The following PKIA variants were observed in gnomAD, a reference collection of about 807,000 sequenced individuals.
The protein encoded by PKIA is cAMP-dependent protein kinase inhibitor alpha, also known as PKI-alpha.
In PKIA, 4 loss-of-function variants were observed where a neutral mutation model predicts 7.6. The ratio of observed to expected loss-of-function variants is 0.52; its 90% CI spans 0.26 to 1.20. PKIA has a LOEUF of 1.20. PKIA is among the 50% of genes most tolerant of loss of function. PKIA has a pLI of 0.13. For missense variants in PKIA, 73 were observed against 86.2 expected (o/e 0.85, Z 0.61); for synonymous variants, 21 against 30.7 (o/e 0.68, Z 1.04).
At chr8:78,594,892 G>A (rs2130266829) in intron 2 of PKIA, among the ~76,000 whole-genome samples, 1 of 152,322 alleles carries the variant, frequency 6.6e-6, no homozygotes, top group African/African-American at 2.4e-5. Flanking sequence ...CTCAGAGGAA[G>A]ATGCAGAGTC....
chr8:78,536,909 C>T (rs971927472), intron 1 of PKIA, among the ~76,000 whole-genome samples: 3 of 138,836 alleles, frequency 2.2e-5, no homozygotes, highest in Admixed American at 2.1e-4. Context: ...CACACACACA[C>T]TACATTTTAA....
intron 1 of PKIA, among the ~76,000 whole-genome samples, chr8:78,565,611 G>A (rs768616505): frequency 2.0e-5 from 3 of 151,848 alleles, no homozygotes; most frequent in Non-Finnish European, 2.9e-5. Context: ...CAGTGCTCTT[G>A]CTATTTCTCA....
intron 1 of PKIA, among the ~76,000 whole-genome samples, chr8:78,553,729 A>T (rs1233941276): frequency 9.2e-6 from 1 of 108,666 alleles, no homozygotes; most frequent in African/African-American, 3.3e-5. Flanking sequence ...CTATTTTAAA[A>T]CAACTGGATT....
At chr8:78,544,650 A>G (rs78959523) in intron 1 of PKIA, among the ~76,000 whole-genome samples, 1,703 of 152,304 alleles carry the variant, frequency 0.011, 35 homozygotes, top group African/African-American at 0.038. Flanking sequence ...CTTTTCATCT[A>G]TTAATCCAGG....
intron 1 of PKIA, among the ~76,000 whole-genome samples, chr8:78,523,341 G>A (rs752498930): frequency 3.3e-5 from 5 of 151,758 alleles, no homozygotes; most frequent in Admixed American, 1.3e-4. Flanking sequence ...TATCTTTATG[G>A]TTGTTTGATT....
chr8:78,571,455 G>A (rs144915647), intron 1 of PKIA, among the ~76,000 whole-genome samples: 6 of 152,144 alleles, frequency 3.9e-5, no homozygotes, highest in South Asian at 4.1e-4. Flanking sequence ...TTTAGGGCAC[G>A]CCAGAAGTGT....
At chr8:78,530,074 G>C (rs1806356332) in intron 1 of PKIA, among the ~76,000 whole-genome samples, 1 of 151,746 alleles carries the variant, frequency 6.6e-6, no homozygotes, top group Admixed American at 6.6e-5. Flanking sequence ...AAGAAGGTAA[G>C]TTTTCCCTCA....
At chr8:78,531,415 T>C (rs1806383210) in intron 1 of PKIA, among the ~76,000 whole-genome samples, 1 of 152,120 alleles carries the variant, frequency 6.6e-6, no homozygotes, top group Non-Finnish European at 1.5e-5. Context: ...TTCACATCAG[T>C]GATCATTCGC....
At chr8:78,570,033 C>G (rs1307635142) in intron 1 of PKIA, among the ~76,000 whole-genome samples, 1 of 152,026 alleles carries the variant, frequency 6.6e-6, no homozygotes, top group African/African-American at 2.4e-5. Context: ...ACTCAGGAAC[C>G]TGTGGAACGA....
chr8:78,593,858 T>C (rs1808163605), intron 2 of PKIA, among the ~76,000 whole-genome samples: 1 of 152,202 alleles, frequency 6.6e-6, no homozygotes, highest in South Asian at 2.1e-4. Context: ...CCTTCATCTA[T>C]AAAAACTTCT....
chr8:78,605,120 A>G lies in PKIA; in HGVS notation c.*3299A>G, dbSNP rs954002127. On this transcript the variant is annotated 3_prime_UTR_variant, in exon 4 of 4. Transcript: ENST00000396418. ...GAAAATAGGAAAGGATCTATGATTTATGATGTCTTAATAGACCCTAAATTG... is the reference window on the plus strand; with the variant it reads ...GAAAATAGGAAAGGATCTATGATTTGTGATGTCTTAATAGACCCTAAATTG... 2.6e-5 allele frequency: 4 copies of G among 152,022 alleles called. No homozygotes were observed. Among genetic ancestry groups the G allele is most frequent in the Admixed American group, 2.0e-4 (3 of 15,212 alleles). 9.4% of individuals were successfully genotyped at this position (152,022 alleles called of 1,614,324 possible).
chr8:78,600,881 A>G (rs971492605), intron 3 of PKIA, among the ~76,000 whole-genome samples: 1 of 152,016 alleles, frequency 6.6e-6, no homozygotes, highest in African/African-American at 2.4e-5. Context: ...ACCTGCTTTT[A>G]TTTGAATTAT....
chr8:78,543,022 C>A (rs966595524), intron 1 of PKIA, among the ~76,000 whole-genome samples: 3 of 152,258 alleles, frequency 2.0e-5, no homozygotes, highest in Middle Eastern at 3.4e-3. Context: ...AGAATTAAAG[C>A]AAGGTGATGC....
intron 1 of PKIA, among the ~76,000 whole-genome samples, chr8:78,571,767 G>A (rs1053638679): frequency 1.2e-4 from 18 of 152,044 alleles, no homozygotes; most frequent in Admixed American, 1.2e-3. Context: ...GCTTCTGAGG[G>A]AAATCAGTCT....
chr8:78,595,299 G>T (rs1009107269), intron 2 of PKIA, among the ~76,000 whole-genome samples: 6 of 152,136 alleles, frequency 3.9e-5, no homozygotes, highest in Non-Finnish European at 8.8e-5. Context: ...AGGAATTAAA[G>T]ACAGCATCAG....
chr8:78,517,638 C>T (rs1406527095), intron 1 of PKIA, among the ~76,000 whole-genome samples: 1 of 152,132 alleles, frequency 6.6e-6, no homozygotes, highest in Non-Finnish European at 1.5e-5. Flanking sequence ...GGTTGAGTAT[C>T]CTCTAGTTTG....
At chr8:78,572,541 G>GCACACACACACACACA (rs1554582465) in intron 1 of PKIA, among the ~76,000 whole-genome samples, 1 of 98,380 alleles carries the variant, frequency 1.0e-5, no homozygotes, top group African/African-American at 4.1e-5. Flanking sequence ...AAAGCTGCAC[G>GCACACACACACACACA]CACACACACA....
intron 1 of PKIA, among the ~76,000 whole-genome samples, chr8:78,558,681 T>C (rs890197761): frequency 6.7e-6 from 1 of 149,654 alleles, no homozygotes; most frequent in Admixed American, 6.7e-5. Context: ...ACAATTTAAG[T>C]TGAGATTTGG....
intron 3 of PKIA, among the ~76,000 whole-genome samples, chr8:78,601,457 C>G (rs1304337183): frequency 1.3e-5 from 2 of 152,018 alleles, no homozygotes; most frequent in Non-Finnish European, 2.9e-5. Flanking sequence ...CTTGAGATTT[C>G]TGAGCTATTT....
Sources: gnomAD v4.1 joint callset for allele counts (sites outside exome capture counted in the v4.1 genomes callset) on GRCh38, gnomAD v4.1.1 for gene constraint, MANE v1.5 for transcripts, NCBI Gene and HGNC (gene_info 2026-07-23, HGNC 2026-07-21) for gene names.